Variants in PDE10A observed in about 807,000 individuals in gnomAD.
PDE10A encodes phosphodiesterase 10A, also known as cAMP and cAMP-inhibited cGMP 3',5'-cyclic phosphodiesterase 10A.
Under a neutral mutation model 97.7 loss-of-function variants are expected in PDE10A, and 39 were observed. The ratio of observed to expected loss-of-function variants is 0.40; its 90% CI spans 0.31 to 0.52. The LOEUF is 0.52. Ranked by LOEUF, PDE10A falls within the 20% of genes least tolerant of loss-of-function variation. The pLI is 0.56. For synonymous variants in PDE10A, 371 were observed against 376.8 expected (o/e 0.98, Z 0.18); for missense variants, 731 against 1,047.8 (o/e 0.70, Z 4.17).
chr6:165,941,747 A>G (rs1476317871), intron 1 of PDE10A, among the ~76,000 whole-genome samples: 1 of 152,186 alleles, frequency 6.6e-6, no homozygotes, highest in African/African-American at 2.4e-5. Flanking sequence ...TGCCAGCACC[A>G]TGCTTCTTGT....
At position 165,680,911 on chromosome 6, in the gene PDE10A, C is replaced by T. The variant is rs192116587; in HGVS notation, c.-614-137343G>A. Among the ~76,000 whole-genome samples, 341 of 152,276 alleles carry T rather than the reference C, an allele frequency of 2.2e-3. 1 individual carries two copies. The highest frequency in any genetic ancestry group is 3.7e-3 in the South Asian group (18 of 4,828). On this transcript the variant is annotated intron_variant, in intron 1 of 19. Coordinates refer to the PDE10A transcript ENST00000366882. Reference sequence around the variant, plus strand: ...CAAACAAACAAAAAATACTCATTACCTTCTGCCTGCATTCATCTACTTCCC... The same window carrying T: ...CAAACAAACAAAAAATACTCATTACTTTCTGCCTGCATTCATCTACTTCCC...
intron 2 of PDE10A, among the ~76,000 whole-genome samples, chr6:165,531,349 A>G (rs1329878794): frequency 6.6e-6 from 1 of 151,720 alleles, no homozygotes; most frequent in African/African-American, 2.4e-5. Context: ...AACTGAGGAA[A>G]ATAAATTAAT....
intron 6 of PDE10A, among the ~76,000 whole-genome samples, chr6:165,434,162 C>T (rs1789827587): frequency 6.6e-6 from 1 of 151,752 alleles, no homozygotes; most frequent in South Asian, 2.1e-4. Context: ...TAACTCTGTA[C>T]TTGTAATGTA....
intron 1 of PDE10A, among the ~76,000 whole-genome samples, chr6:165,771,142 C>G (rs1000074995): frequency 3.3e-5 from 5 of 152,200 alleles, no homozygotes; most frequent in African/African-American, 1.2e-4. Context: ...GAAAGGGCAC[C>G]AAATAGTCTC....
intron 1 of PDE10A, among the ~76,000 whole-genome samples, chr6:165,964,007 C>T (rs1246242284): frequency 6.6e-6 from 1 of 152,138 alleles, no homozygotes; most frequent in Non-Finnish European, 1.5e-5. Context: ...CAGGTGATAC[C>T]CATGCAATCA....
intron 1 of PDE10A, among the ~76,000 whole-genome samples, chr6:165,976,352 A>T (rs1042968809): frequency 6.6e-6 from 1 of 152,146 alleles, no homozygotes; most frequent in Non-Finnish European, 1.5e-5. Context: ...CCTAAATCTC[A>T]AGCCACAGGT....
intron 1 of PDE10A, among the ~76,000 whole-genome samples, chr6:165,793,059 G>C (rs1056426884): frequency 6.6e-6 from 1 of 152,070 alleles, no homozygotes; most frequent in Non-Finnish European, 1.5e-5. Context: ...ATAACACAAT[G>C]TGTATGAAAA....
chr6:165,643,938 C>T (rs1020986623), intron 1 of PDE10A, among the ~76,000 whole-genome samples: 2 of 152,222 alleles, frequency 1.3e-5, no homozygotes, highest in Non-Finnish European at 2.9e-5. Context: ...ATCAAAGAAT[C>T]ACACTGTACT....
chr6:165,457,099 C>CAAG (rs1229904934), intron 3 of PDE10A, among the ~76,000 whole-genome samples: 2 of 152,282 alleles, frequency 1.3e-5, no homozygotes, highest in East Asian at 3.9e-4. Flanking sequence ...ACTTGTAAGA[C>CAAG]ACTTCTATGG....
At chr6:165,876,208 G>A (rs1781341290) in intron 1 of PDE10A, among the ~76,000 whole-genome samples, 1 of 152,148 alleles carries the variant, frequency 6.6e-6, no homozygotes, top group Admixed American at 6.5e-5. Flanking sequence ...CCAGCAAGAA[G>A]GGGGTATACT....
At chr6:165,587,372 CGT>C (rs1785977509) in intron 1 of PDE10A, among the ~76,000 whole-genome samples, 1 of 152,148 alleles carries the variant, frequency 6.6e-6, no homozygotes, top group Admixed American at 6.5e-5. Flanking sequence ...AAATTTAATA[CGT>C]GTCTCATGCA....
chr6:165,516,528 C>T (rs1043692884), intron 2 of PDE10A, among the ~76,000 whole-genome samples: 1 of 152,106 alleles, frequency 6.6e-6, no homozygotes, highest in Admixed American at 6.6e-5. Flanking sequence ...TATTTGATAG[C>T]GGTATTTGCC....
At chr6:165,477,348 T>C (rs1479423832) in intron 3 of PDE10A, among the ~76,000 whole-genome samples, 1 of 152,200 alleles carries the variant, frequency 6.6e-6, no homozygotes, top group East Asian at 1.9e-4. Context: ...TCATTTACCC[T>C]GCCTCTCGCT....
chr6:165,762,164 C>T (rs1019138378), intron 1 of PDE10A, among the ~76,000 whole-genome samples: 1 of 152,200 alleles, frequency 6.6e-6, no homozygotes, highest in Non-Finnish European at 1.5e-5. Context: ...CAATCTGCTT[C>T]CTATTGAAAA....
At chr6:165,631,586 A>G (rs1788631864) in intron 1 of PDE10A, among the ~76,000 whole-genome samples, 1 of 152,242 alleles carries the variant, frequency 6.6e-6, no homozygotes, top group Non-Finnish European at 1.5e-5. Flanking sequence ...TTAGTATGTC[A>G]TTATTTGTAT....
chr6:165,532,485 T>C (rs1782841407), intron 2 of PDE10A, among the ~76,000 whole-genome samples: 1 of 151,976 alleles, frequency 6.6e-6, no homozygotes. Context: ...CAATGTACAA[T>C]AAGTGCATGT....
At chr6:165,510,859 A>T (rs1000542736) in intron 2 of PDE10A, among the ~76,000 whole-genome samples, 1 of 151,936 alleles carries the variant, frequency 6.6e-6, no homozygotes, top group African/African-American at 2.4e-5. Context: ...TTTCTGTGGT[A>T]TCAGTTGGTT....
chr6:165,705,478 C>G (rs945362635), intron 1 of PDE10A, among the ~76,000 whole-genome samples: 2 of 152,184 alleles, frequency 1.3e-5, no homozygotes, highest in African/African-American at 4.8e-5. Context: ...AGTAAGCTCC[C>G]CATAGCACCT....
chr6:165,341,177 G>A (rs932754339), intron 19 of PDE10A, among the ~76,000 whole-genome samples: 8 of 152,160 alleles, frequency 5.3e-5, no homozygotes, highest in African/African-American at 1.9e-4. Context: ...GTCAGGACTT[G>A]GTGAATATAT....
Sources: allele counts gnomAD v4.1 joint callset (sites outside exome capture counted in the v4.1 genomes callset), GRCh38; gene constraint gnomAD v4.1.1; transcripts MANE v1.5; gene names NCBI Gene and HGNC (gene_info 2026-07-23, HGNC 2026-07-21).